GRM7: variants seen among roughly 807,000 people sequenced by gnomAD.
GRM7 encodes glutamate metabotropic receptor 7, also known as metabotropic glutamate receptor 7.
Under a neutral mutation model 84.5 loss-of-function variants are expected in GRM7, and 35 were observed. The observed-to-expected ratio is 0.41, with a 90% CI of 0.32 to 0.55. The LOEUF (loss-of-function observed/expected upper bound fraction) is 0.55. Ranked by LOEUF, GRM7 falls within the 20% of genes least tolerant of loss-of-function variation. GRM7 has a pLI of 0.19. For missense variants in GRM7, 1,003 were observed against 1,194.6 expected (o/e 0.84, Z 2.36); for synonymous variants, 487 against 455.1 (o/e 1.07, Z -0.89).
At chr3:7,431,230 A>G (rs1159984544) in intron 5 of GRM7, among the ~76,000 whole-genome samples, 1 of 152,188 alleles carries the variant, frequency 6.6e-6, no homozygotes, top group Non-Finnish European at 1.5e-5. Context: ...TCTATCATTT[A>G]AAAAAAGAAT....
chr3:7,303,697 G>T (rs1033679709), intron 3 of GRM7, among the ~76,000 whole-genome samples: 3 of 151,830 alleles, frequency 2.0e-5, no homozygotes, highest in African/African-American at 7.3e-5. Flanking sequence ...TGTTGTTATA[G>T]GCCTTTCACT....
chr3:7,048,713 G>T (rs1249422942), intron 1 of GRM7, among the ~76,000 whole-genome samples: 1 of 151,898 alleles, frequency 6.6e-6, no homozygotes, highest in South Asian at 2.1e-4. Flanking sequence ...TGCATTACCT[G>T]ACATACTTAC....
At chr3:7,399,656 G>A (rs1394854148) in intron 4 of GRM7, among the ~76,000 whole-genome samples, 2 of 152,114 alleles carry the variant, frequency 1.3e-5, no homozygotes, top group African/African-American at 4.8e-5. Context: ...CTCATGAGTG[G>A]CTAGGTGGCA....
chr3:7,447,963 T>C (rs1283625885), intron 5 of GRM7, among the ~76,000 whole-genome samples: 2 of 136,626 alleles, frequency 1.5e-5, no homozygotes, highest in African/African-American at 5.5e-5. Flanking sequence ...TGTGTTCTCA[T>C]TGTTCAGTTC....
chr3:6,881,846 C>G (rs1349310778), intron 1 of GRM7, among the ~76,000 whole-genome samples: 1 of 151,886 alleles, frequency 6.6e-6, no homozygotes, highest in Non-Finnish European at 1.5e-5. Flanking sequence ...CTGCTACAAT[C>G]TGGAGGGGCT....
intron 1 of GRM7, among the ~76,000 whole-genome samples, chr3:7,138,189 A>G (rs187352837): frequency 4.6e-5 from 7 of 152,162 alleles, no homozygotes; most frequent in Non-Finnish European, 4.4e-5. Flanking sequence ...TCAAAGTCCT[A>G]GCCCATAACA....
At chr3:7,452,522 T>G (rs1697814089) in intron 5 of GRM7, 85 bp from the exon 6 acceptor site, 1 of 927,948 alleles carries the variant, frequency 1.1e-6, no homozygotes, top group East Asian at 2.4e-5. Flanking sequence ...AATTGAAAGT[T>G]TACTTTTAAA....
chr3:7,439,120 C>T (rs550499635), intron 5 of GRM7, among the ~76,000 whole-genome samples: 1 of 152,054 alleles, frequency 6.6e-6, no homozygotes, highest in Non-Finnish European at 1.5e-5. Flanking sequence ...CCCTGAGACT[C>T]ATAAGGAGGG....
chr3:7,701,301 T>TTA (rs2125158600), intron 9 of GRM7, among the ~76,000 whole-genome samples: 1 of 138,486 alleles, frequency 7.2e-6, no homozygotes, highest in Admixed American at 7.0e-5. Context: ...TGGTTGCATT[T>TTA]TTTTTTTTTT....
intron 2 of GRM7, among the ~76,000 whole-genome samples, chr3:7,251,158 C>T (rs973599097): frequency 6.6e-6 from 1 of 152,034 alleles, no homozygotes; most frequent in South Asian, 2.1e-4. Flanking sequence ...ATGAATATTA[C>T]GTGATTAAGT....
chr3:7,079,263 C>T (rs1188441215), intron 1 of GRM7, among the ~76,000 whole-genome samples: 1 of 152,064 alleles, frequency 6.6e-6, no homozygotes, highest in African/African-American at 2.4e-5. Flanking sequence ...TAAAGGAACA[C>T]AGTCTAACAG....
At position 7,107,660 on chromosome 3, in the gene GRM7, C is replaced by T. The variant is rs150571631; in HGVS notation, c.520-38792C>T. ...AAGAGATACCTGTAAAATTAGTTGCCGGTAAAGTTTAGTTCATAATGTACT... is the reference window on the plus strand; with the variant it reads ...AAGAGATACCTGTAAAATTAGTTGCTGGTAAAGTTTAGTTCATAATGTACT... On this transcript the variant is annotated intron_variant, in intron 1 of 9. Coordinates refer to ENST00000357716, the MANE Select transcript of GRM7 (RefSeq NM_000844.4). 3.8e-3 allele frequency among the ~76,000 whole-genome samples: 570 copies of T among 151,962 alleles called. 2 individuals are homozygous for T. The highest frequency in any genetic ancestry group is 0.013 in the African/African-American group (527 of 41,454).
rs933412931 is a variant in GRM7 at position 7,673,183 on chromosome 3, C to T, written c.2452-6866C>T. 2.0e-5 allele frequency among the ~76,000 whole-genome samples: 3 copies of T among 152,234 alleles called. No homozygotes were observed. The East Asian group carries it at 5.8e-4, about 29-fold the overall frequency. ...GTTATGAGATAGGTATTACTGTCAT[C>T]CTCGCTCCAGTAATGAGGAAACAGA... is the stretch of plus-strand genomic sequence containing the variant. On this transcript the variant is annotated intron_variant, in intron 8 of 9. Transcript: ENST00000357716.
intron 9 of GRM7, chr3:7,693,815 C>T (rs1167837685): frequency 2.0e-5 from 11 of 561,292 alleles, no homozygotes; most frequent in Non-Finnish European, 3.2e-5. Context: ...TAGTTCTCAT[C>T]ACATGCCAGC....
At chr3:7,225,176 TAGA>T (rs1227378218) in intron 2 of GRM7, among the ~76,000 whole-genome samples, 6 of 151,932 alleles carry the variant, frequency 3.9e-5, no homozygotes, top group East Asian at 3.8e-4. Context: ...TATCTATTCC[TAGA>T]AGGAGTAGGA....
intron 1 of GRM7, among the ~76,000 whole-genome samples, chr3:7,024,397 T>A (rs1695896787): frequency 2.0e-5 from 3 of 152,186 alleles, no homozygotes; most frequent in Admixed American, 2.0e-4. Context: ...GTGAAGCAAA[T>A]GGATGACGTG....
At chr3:6,982,620 A>G (rs1455919554) in intron 1 of GRM7, among the ~76,000 whole-genome samples, 1 of 152,146 alleles carries the variant, frequency 6.6e-6, no homozygotes, top group Non-Finnish European at 1.5e-5. Flanking sequence ...AAGAAAAAAA[A>G]AAAACCTTTA....
chr3:6,929,962 C>T (rs1697442913), intron 1 of GRM7, among the ~76,000 whole-genome samples: 1 of 152,128 alleles, frequency 6.6e-6, no homozygotes, highest in Admixed American at 6.5e-5. Flanking sequence ...ACCCCACAAA[C>T]GTGGTGTCTG....
chr3:7,576,612 T>TTTATCTCTTAAAATTTAA (rs1161890782), intron 7 of GRM7, among the ~76,000 whole-genome samples: 2 of 152,226 alleles, frequency 1.3e-5, no homozygotes, highest in Non-Finnish European at 2.9e-5. Flanking sequence ...TTCTTTTGCC[T>TTTATCTCTTAAAATTTAA]TTATCTCTTA....
Sources: allele counts gnomAD v4.1 joint callset (sites outside exome capture counted in the v4.1 genomes callset), GRCh38; gene constraint gnomAD v4.1.1; transcripts MANE v1.5; gene names NCBI Gene and HGNC (gene_info 2026-07-23, HGNC 2026-07-21).